The following RSU1 variants were observed in gnomAD, a reference collection of about 807,000 sequenced individuals.
The protein encoded by RSU1 is Ras suppressor protein 1.
Under a neutral mutation model 31.1 loss-of-function variants are expected in RSU1, and 26 were observed. That is an observed-to-expected ratio of 0.84 (90% CI 0.61 to 1.16). The LOEUF is 1.16. RSU1 is among the 50% of genes most tolerant of loss of function. The probability of loss-of-function intolerance (pLI) is 0.00; values close to 1 mark genes in which losing one functional copy is unlikely to be tolerated. For synonymous variants in RSU1, 164 were observed against 136.3 expected (o/e 1.20, Z -1.41); for missense variants, 320 against 339.1 (o/e 0.94, Z 0.44).
At chr10:16,691,719 C>CTGCTTTTTTTTTTT in intron 8 of RSU1, among the ~76,000 whole-genome samples, 1 of 109,080 alleles carries the variant, frequency 9.2e-6, no homozygotes, top group African/African-American at 4.0e-5. Context: ...GAAGCTGCTG[C>CTGCTTTTTTTTTTT]TTCTTTTTTT....
At position 16,752,931 on chromosome 10, in the gene RSU1, G is replaced by A; in HGVS notation, c.470C>T (p.Thr157Ile). ...EILPPDIGKL[T>I]KLQILSLRDN... is the part of the protein sequence containing the mutation. ...TAAATTACTTACTATCTGCAACTTTGTGAGCTTCCCAATATCTGGCGGCAG... is the reference window on the plus strand; with the variant it reads ...TAAATTACTTACTATCTGCAACTTTATGAGCTTCCCAATATCTGGCGGCAG... The change falls in exon 6 of 9, where the codon ACA (threonine) becomes ATA (isoleucine). Residue 157 changes from threonine (T) to isoleucine (I), a missense_variant. Thr to Ile is a moderately conservative substitution (Grantham distance 89). Coordinates refer to ENST00000345264, the MANE Select transcript of RSU1 (RefSeq NM_012425.4). The A allele has an allele frequency of 1.2e-6, 2 of 1,613,810 alleles. No homozygotes were observed. The highest frequency in any genetic ancestry group is 8.5e-7 in the Non-Finnish European group (1 of 1,179,734).
intron 2 of RSU1, among the ~76,000 whole-genome samples, chr10:16,815,338 T>A (rs1362539914): frequency 6.6e-6 from 1 of 152,148 alleles, no homozygotes; most frequent in East Asian, 1.9e-4. Context: ...TGCCAAGACA[T>A]ATCAATAGCA....
chr10:16,676,719 ATGG>A (rs1252783173), intron 8 of RSU1, among the ~76,000 whole-genome samples: 1 of 152,202 alleles, frequency 6.6e-6, no homozygotes, highest in Non-Finnish European at 1.5e-5. Flanking sequence ...AGGTTCAGAT[ATGG>A]TGCCTTTCAG....
chr10:16,747,968 A>C (rs916016731), intron 7 of RSU1, among the ~76,000 whole-genome samples: 3 of 152,338 alleles, frequency 2.0e-5, no homozygotes, highest in Admixed American at 1.3e-4. Flanking sequence ...TGGGAGACAG[A>C]AGCTGCAGTG....
In RSU1 at chr10:16,734,018, C is replaced by A. The variant is rs568062627; in HGVS notation, c.598+18521G>T. On this transcript the variant is annotated intron_variant, in intron 7 of 8. Transcript: ENST00000345264. ...ATTGCATCTGCCACTATATCAGCTT[C>A]TTTTGTTCCCAGTCAGCCCTCTTCC... Among the ~76,000 whole-genome samples the A allele has an allele frequency of 1.5e-4, 23 of 152,362 alleles. No homozygotes were observed. In the East Asian group the frequency reaches 4.4e-3, roughly 29 times the overall value.
chr10:16,679,958 C>T (rs1041814261), intron 8 of RSU1, among the ~76,000 whole-genome samples: 27 of 150,676 alleles, frequency 1.8e-4, no homozygotes, highest in African/African-American at 6.1e-4. Flanking sequence ...CTTGGCTCAC[C>T]GCAATCTCTC....
intron 3 of RSU1, among the ~76,000 whole-genome samples, chr10:16,776,466 G>A (rs988559834): frequency 9.3e-5 from 14 of 151,304 alleles, no homozygotes; most frequent in African/African-American, 3.4e-4. Context: ...TACATAAGCT[G>A]TAACTAATAG....
chr10:16,638,626 T>C (rs183407494), intron 8 of RSU1, among the ~76,000 whole-genome samples: 1 of 152,346 alleles, frequency 6.6e-6, no homozygotes, highest in East Asian at 1.9e-4. Flanking sequence ...TGGTAATGGA[T>C]GCCCAGAGGC....
In RSU1 at chr10:16,790,072, T is replaced by C. The variant is rs895954510; in HGVS notation, c.110-7988A>G. ...GGGTGTGGGGGCAGGGTGAGGTTGCTGGCACTGTCCCTGTGATTTATGATT... is the reference window on the plus strand; with the variant it reads ...GGGTGTGGGGGCAGGGTGAGGTTGCCGGCACTGTCCCTGTGATTTATGATT... On this transcript the variant is annotated intron_variant, in intron 2 of 8. Coordinates refer to ENST00000345264, the MANE Select transcript of RSU1 (RefSeq NM_012425.4). 1.5e-4 allele frequency among the ~76,000 whole-genome samples: 23 copies of C among 152,278 alleles called. No individual in the cohort carries two copies. The Middle Eastern group carries it at 0.01, about 68-fold the overall frequency.
At chr10:16,708,860 C>A (rs1370403178) in intron 7 of RSU1, among the ~76,000 whole-genome samples, 2 of 149,342 alleles carry the variant, frequency 1.3e-5, no homozygotes, top group East Asian at 2.0e-4. Context: ...TTCTTGATTT[C>A]TTTTTCAGAT....
At chr10:16,732,627 C>G (rs1016837758) in intron 7 of RSU1, among the ~76,000 whole-genome samples, 1 of 152,176 alleles carries the variant, frequency 6.6e-6, no homozygotes, top group African/African-American at 2.4e-5. Flanking sequence ...TTTGTTATAG[C>G]AGCCCAAGCT....
intron 8 of RSU1, among the ~76,000 whole-genome samples, chr10:16,687,095 T>G (rs1835453873): frequency 6.6e-6 from 1 of 152,156 alleles, no homozygotes; most frequent in Non-Finnish European, 1.5e-5. Flanking sequence ...AACGTGGATA[T>G]GGGAGGGTAC....
intron 8 of RSU1, among the ~76,000 whole-genome samples, chr10:16,673,323 T>C (rs975845186): frequency 9.9e-5 from 15 of 152,186 alleles, no homozygotes; most frequent in African/African-American, 3.6e-4. Flanking sequence ...AAGCAGGACA[T>C]TTGCTCCAAC....
intron 7 of RSU1, among the ~76,000 whole-genome samples, chr10:16,745,643 T>C (rs1356966588): frequency 6.6e-6 from 1 of 152,112 alleles, no homozygotes; most frequent in African/African-American, 2.4e-5. Context: ...CCCGCCCCCA[T>C]GATTCAGTCA....
At chr10:16,669,795 T>C (rs1476225938) in intron 8 of RSU1, among the ~76,000 whole-genome samples, 11 of 152,236 alleles carry the variant, frequency 7.2e-5, no homozygotes, top group Non-Finnish European at 2.9e-5. Context: ...TTCCATGGTG[T>C]ATATGTACCA....
chr10:16,744,205 TTC>T (rs748591662), intron 7 of RSU1, among the ~76,000 whole-genome samples: 8 of 152,032 alleles, frequency 5.3e-5, no homozygotes, highest in Non-Finnish European at 1.0e-4. Flanking sequence ...CAGAAGAGAC[TTC>T]TTTTTCTATA....
At chr10:16,746,284 T>C (rs925293401) in intron 7 of RSU1, among the ~76,000 whole-genome samples, 1 of 152,232 alleles carries the variant, frequency 6.6e-6, no homozygotes, top group Non-Finnish European at 1.5e-5. Context: ...GCCCCAGGTG[T>C]ATGCAGCGTT....
intron 8 of RSU1, among the ~76,000 whole-genome samples, chr10:16,641,797 C>T (rs749166870): frequency 3.3e-5 from 5 of 152,170 alleles, no homozygotes; most frequent in Admixed American, 1.3e-4. Context: ...CACAGCAGAC[C>T]GACTTCCCAT....
intron 2 of RSU1, among the ~76,000 whole-genome samples, chr10:16,814,451 GAAAAAAAAAAAAA>G (rs369214166): frequency 8.3e-6 from 1 of 121,202 alleles, no homozygotes; most frequent in Non-Finnish European, 1.6e-5. Context: ...CTGTTTTCAG[GAAAAAAAAAAAAA>G]AAAAGAAAAA....
Sources: gnomAD v4.1 joint callset for allele counts (sites outside exome capture counted in the v4.1 genomes callset) on GRCh38, gnomAD v4.1.1 for gene constraint, MANE v1.5 for transcripts, NCBI Gene and HGNC (gene_info 2026-07-23, HGNC 2026-07-21) for gene names.